Variants in APPBP2 observed in about 807,000 individuals in gnomAD.
APPBP2 encodes the protein amyloid beta precursor protein binding protein 2, also known as amyloid protein-binding protein 2.
In APPBP2, 15 loss-of-function variants were observed where a neutral mutation model predicts 76.0. That is an observed-to-expected ratio of 0.20 (90% CI 0.13 to 0.30). APPBP2 has a LOEUF of 0.30. APPBP2 is among the 10% of genes least tolerant of loss of function. APPBP2 has a pLI of 1.00. For synonymous variants in APPBP2, 222 were observed against 242.2 expected (o/e 0.92, Z 0.77); for missense variants, 401 against 687.2 (o/e 0.58, Z 4.66).
chr17:60,510,017 C>T (rs1402025933), intron 1 of APPBP2, among the ~76,000 whole-genome samples: 6 of 150,732 alleles, frequency 4.0e-5, no homozygotes, highest in African/African-American at 7.5e-5. Flanking sequence ...GTAAATGTAT[C>T]CTTTACCTCT....
chr17:60,483,888 T>A (rs1164413172), intron 3 of APPBP2, among the ~76,000 whole-genome samples: 1 of 152,162 alleles, frequency 6.6e-6, no homozygotes, highest in African/African-American at 2.4e-5. Context: ...CTTTAATCCA[T>A]CTTGAATTAA....
At chr17:60,473,562 C>A (rs1449728291) in intron 4 of APPBP2, among the ~76,000 whole-genome samples, 1 of 152,054 alleles carries the variant, frequency 6.6e-6, no homozygotes, top group Non-Finnish European at 1.5e-5. Flanking sequence ...TGCCTGTAAG[C>A]CCAGTATTTT....
At chr17:60,486,539 T>C (rs758451465) in intron 3 of APPBP2, among the ~76,000 whole-genome samples, 11 of 152,180 alleles carry the variant, frequency 7.2e-5, no homozygotes, top group Non-Finnish European at 1.6e-4. Context: ...TGCTTTCCAC[T>C]TGCTTGGTAG....
At chr17:60,494,375 A>G (rs1329053670) in intron 3 of APPBP2, 91 bp downstream of exon 3, 1 of 1,434,692 alleles carries the variant, frequency 7.0e-7, no homozygotes, top group African/African-American at 1.4e-5. Context: ...TCTTACGTAG[A>G]CTTTGGGAAA....
chr17:60,519,287 T>C (rs1033773238), intron 1 of APPBP2, among the ~76,000 whole-genome samples: 7 of 152,100 alleles, frequency 4.6e-5, no homozygotes, highest in African/African-American at 1.7e-4. Context: ...TGTTTGACAT[T>C]TTCATGATTT....
At chr17:60,504,736 G>C (rs990187426) in intron 1 of APPBP2, among the ~76,000 whole-genome samples, 1 of 152,130 alleles carries the variant, frequency 6.6e-6, no homozygotes, top group Non-Finnish European at 1.5e-5. Context: ...GTCAGGAGGC[G>C]GAGGTTGCAA....
chr17:60,505,506 G>A (rs545076349), intron 1 of APPBP2, among the ~76,000 whole-genome samples: 8 of 151,784 alleles, frequency 5.3e-5, no homozygotes, highest in African/African-American at 1.2e-4. Flanking sequence ...TAGTAGAGAC[G>A]GGGCTTCACG....
At chr17:60,486,740 T>C (rs2090682117) in intron 3 of APPBP2, among the ~76,000 whole-genome samples, 1 of 152,202 alleles carries the variant, frequency 6.6e-6, no homozygotes, top group Middle Eastern at 3.2e-3. Flanking sequence ...GTCACTATGA[T>C]GTTAGCCGGT....
At chr17:60,492,161 G>A (rs2090735336) in intron 3 of APPBP2, among the ~76,000 whole-genome samples, 1 of 152,174 alleles carries the variant, frequency 6.6e-6, no homozygotes, top group African/African-American at 2.4e-5. Context: ...TGAGCCTGTG[G>A]GTGCCCAGAA....
At chr17:60,493,603 GA>G (rs2090748875) in intron 3 of APPBP2, among the ~76,000 whole-genome samples, 1 of 149,654 alleles carries the variant, frequency 6.7e-6, no homozygotes, top group Admixed American at 6.7e-5. Context: ...TAAAGTGCTA[GA>G]ATTACAGGTG....
chr17:60,505,732 G>A lies in APPBP2; in HGVS notation c.139-5245C>T, dbSNP rs138355583. On this transcript the variant is annotated intron_variant, in intron 1 of 12. Transcript: ENST00000083182. ...ATGGAGTTTCACTCTTGTTGCCCAG[G>A]CTAGAGTGTAGTGGTGCCACTTGGG... 5.1e-3 allele frequency among the ~76,000 whole-genome samples: 674 copies of A among 130,910 alleles called. 8 individuals carry two copies. Among genetic ancestry groups the A allele is most frequent in the African/African-American group, 0.021 (626 of 30,402 alleles). 85.9% of individuals were successfully genotyped at this position (130,910 alleles called of 152,430 possible).
intron 1 of APPBP2, among the ~76,000 whole-genome samples, chr17:60,505,296 C>T (rs533578466): frequency 9.0e-4 from 137 of 152,286 alleles, no homozygotes; most frequent in Non-Finnish European, 1.7e-3. Context: ...TTAAATGGCA[C>T]CCCCAATGTA....
At position 60,466,262 on chromosome 17, in the gene APPBP2, C is replaced by G. The variant is rs374804383; in HGVS notation, c.672+29G>C. 5.7e-6 allele frequency: 9 copies of G among 1,592,192 alleles called. No homozygotes were observed. The African/African-American group carries it at 1.2e-4, about 21-fold the overall frequency. On this transcript the variant is annotated intron_variant, in intron 5 of 12. Transcript: ENST00000083182. ...TCTGTTTTTATAGGTACTTATTGGT[C>G]ACAGTGAAATGTACCTTAAAACACT...
chr17:60,500,955 A>T (rs1483154335), intron 1 of APPBP2, among the ~76,000 whole-genome samples: 2 of 152,198 alleles, frequency 1.3e-5, no homozygotes, highest in Non-Finnish European at 2.9e-5. Context: ...GTAATACAGG[A>T]TGGCAGGATT....
At chr17:60,482,939 T>C (rs552317624) in intron 3 of APPBP2, among the ~76,000 whole-genome samples, 1 of 152,372 alleles carries the variant, frequency 6.6e-6, no homozygotes, top group South Asian at 2.1e-4. Flanking sequence ...CCTTTGGGTA[T>C]ATACCCAGTA....
intron 1 of APPBP2, among the ~76,000 whole-genome samples, chr17:60,524,709 C>A (rs530853343): frequency 6.1e-5 from 9 of 148,724 alleles, no homozygotes; most frequent in Middle Eastern, 3.6e-3. Context: ...TACGTAAGAA[C>A]ATAAACATCT....
intron 1 of APPBP2, chr17:60,513,297 G>A: frequency 3.8e-6 from 2 of 521,900 alleles, no homozygotes; most frequent in Non-Finnish European, 7.2e-6. Flanking sequence ...ATGTATATTT[G>A]GGAAATATGG....
intron 1 of APPBP2, among the ~76,000 whole-genome samples, chr17:60,508,033 T>C (rs919795464): frequency 6.6e-6 from 1 of 150,466 alleles, no homozygotes; most frequent in African/African-American, 2.4e-5. Flanking sequence ...AGTGCAGTGG[T>C]GAAATCCCAG....
chr17:60,506,746 A>G (rs2143471153), intron 1 of APPBP2, among the ~76,000 whole-genome samples: 1 of 152,356 alleles, frequency 6.6e-6, no homozygotes, highest in East Asian at 1.9e-4. Flanking sequence ...TTTTAAAAAA[A>G]ACATTTTCCC....
Sources: gnomAD v4.1 joint callset for allele counts (sites outside exome capture counted in the v4.1 genomes callset) on GRCh38, gnomAD v4.1.1 for gene constraint, MANE v1.5 for transcripts, NCBI Gene and HGNC (gene_info 2026-07-23, HGNC 2026-07-21) for gene names.